CORO2B: variants seen among roughly 807,000 people sequenced by gnomAD.
CORO2B encodes the protein coronin-2B.
In CORO2B, 26 loss-of-function variants were observed where a neutral mutation model predicts 58.8. That is an observed-to-expected ratio of 0.44 (90% CI 0.32 to 0.61). The LOEUF (loss-of-function observed/expected upper bound fraction) is 0.61, where lower values mean the gene tolerates loss of function less well. Ranked by LOEUF, CORO2B falls within the 20% of genes least tolerant of loss-of-function variation. The pLI is 0.04. For synonymous variants in CORO2B, 242 were observed against 253.8 expected (o/e 0.95, Z 0.44); for missense variants, 460 against 645.1 (o/e 0.71, Z 3.11).
At chr15:68,656,379 G>T (rs569649967) in intron 2 of CORO2B, among the ~76,000 whole-genome samples, 1 of 152,076 alleles carries the variant, frequency 6.6e-6, no homozygotes, top group East Asian at 1.9e-4. Flanking sequence ...TAAGCAACCT[G>T]TGCCTGAGTT....
intron 2 of CORO2B, among the ~76,000 whole-genome samples, chr15:68,693,155 T>G (rs773752963): frequency 1.3e-5 from 2 of 152,212 alleles, no homozygotes; most frequent in Non-Finnish European, 2.9e-5. Context: ...TCTGCCTCAT[T>G]CTGCATCTTC....
At chr15:68,715,488 C>A (rs1211583525) in intron 8 of CORO2B, among the ~76,000 whole-genome samples, 177 bp downstream of exon 8, 1 of 152,244 alleles carries the variant, frequency 6.6e-6, no homozygotes, top group African/African-American at 2.4e-5. Flanking sequence ...CCCACTGGAC[C>A]GGCGCTGTCA....
At chr15:68,659,862 A>T (rs1901958147) in intron 2 of CORO2B, among the ~76,000 whole-genome samples, 1 of 152,150 alleles carries the variant, frequency 6.6e-6, no homozygotes. Context: ...CGAACCCGGG[A>T]GGTGGAGGTT....
chr15:68,600,702 T>C (rs942934063), intron 1 of CORO2B, among the ~76,000 whole-genome samples: 3 of 152,166 alleles, frequency 2.0e-5, no homozygotes, highest in African/African-American at 7.2e-5. Flanking sequence ...GGGAATGCCC[T>C]AAAACCAGGC....
At chr15:68,545,835 C>T in the CORO2B span, among the ~76,000 whole-genome samples, 3 of 152,182 alleles carry the variant, frequency 2.0e-5, no homozygotes, top group East Asian at 3.9e-4. Flanking sequence ...GGGGCATCCC[C>T]AGCCCTCAGC....
chr15:68,589,226 G>T (rs1899640877), intron 1 of CORO2B, among the ~76,000 whole-genome samples: 1 of 152,194 alleles, frequency 6.6e-6, no homozygotes, highest in Non-Finnish European at 1.5e-5. Flanking sequence ...GGCCTAATGT[G>T]CCTTGTTTGC....
intron 2 of CORO2B, among the ~76,000 whole-genome samples, chr15:68,664,646 C>CA (rs989598620): frequency 1.6e-4 from 24 of 148,316 alleles, no homozygotes; most frequent in South Asian, 6.4e-4. Flanking sequence ...GACTCTGTCT[C>CA]AAAAAAAAAC....
chr15:68,670,330 A>G (rs1247510914), intron 2 of CORO2B, among the ~76,000 whole-genome samples: 1 of 152,038 alleles, frequency 6.6e-6, no homozygotes, highest in African/African-American at 2.4e-5. Context: ...GTGCACCACT[A>G]AGCCTGGTTA....
chr15:68,623,548 G>A (rs1380741904), intron 1 of CORO2B, among the ~76,000 whole-genome samples: 1 of 151,308 alleles, frequency 6.6e-6, no homozygotes, highest in African/African-American at 2.4e-5. Context: ...CTCCCGCCCT[G>A]CATGTAAACA....
chr15:68,650,127 G>A (rs1414297521), intron 2 of CORO2B, among the ~76,000 whole-genome samples: 1 of 152,156 alleles, frequency 6.6e-6, no homozygotes, highest in Middle Eastern at 3.2e-3. Flanking sequence ...CCAGCACTTT[G>A]GGAGGCCGAG....
chr15:68,587,093 C>T (rs945924543), intron 1 of CORO2B, among the ~76,000 whole-genome samples: 6 of 144,428 alleles, frequency 4.2e-5, no homozygotes, highest in Non-Finnish European at 9.0e-5. Context: ...CACACACACA[C>T]ACAATTTTTT....
At chr15:68,580,659 C>T (rs1343353170) in intron 1 of CORO2B, among the ~76,000 whole-genome samples, 1 of 152,060 alleles carries the variant, frequency 6.6e-6, no homozygotes, top group Non-Finnish European at 1.5e-5. Context: ...GGGTAAGATG[C>T]TTAGGGTTTT....
chr15:68,689,498 T>C (rs1892303213), intron 2 of CORO2B, among the ~76,000 whole-genome samples: 1 of 152,232 alleles, frequency 6.6e-6, no homozygotes, highest in Non-Finnish European at 1.5e-5. Context: ...TGTAAATCAA[T>C]ATAAATGTGT....
intron 1 of CORO2B, among the ~76,000 whole-genome samples, chr15:68,609,877 G>A (rs1034428302): frequency 5.3e-5 from 8 of 152,136 alleles, no homozygotes; most frequent in African/African-American, 1.9e-4. Flanking sequence ...GGAGCACGAA[G>A]CGGTCTGGTT....
intron 8 of CORO2B, among the ~76,000 whole-genome samples, chr15:68,717,802 A>G (rs933032534): frequency 3.3e-5 from 5 of 152,240 alleles, no homozygotes; most frequent in Admixed American, 1.3e-4. Flanking sequence ...CTTCCAGCCC[A>G]GAGGAGGAGA....
chr15:68,675,037 G>A (rs1216801710), intron 2 of CORO2B, among the ~76,000 whole-genome samples: 1 of 152,198 alleles, frequency 6.6e-6, no homozygotes, highest in Non-Finnish European at 1.5e-5. Flanking sequence ...TAGGCAAGAA[G>A]AAAGAGGAAC....
At chr15:68,523,676 T>C in the CORO2B span, among the ~76,000 whole-genome samples, 1 of 152,218 alleles carries the variant, frequency 6.6e-6, no homozygotes, top group East Asian at 1.9e-4. Flanking sequence ...GCTCCTCAAG[T>C]CAGCTGCCTT....
At chr15:68,682,381 G>A (rs1008661572) in intron 2 of CORO2B, among the ~76,000 whole-genome samples, 3 of 152,194 alleles carry the variant, frequency 2.0e-5, no homozygotes, top group Non-Finnish European at 4.4e-5. Flanking sequence ...AGGAGCAGAT[G>A]TAAAGGCGTT....
intron 2 of CORO2B, among the ~76,000 whole-genome samples, chr15:68,685,231 G>A (rs1902924721): frequency 6.6e-6 from 1 of 152,164 alleles, no homozygotes; most frequent in African/African-American, 2.4e-5. Context: ...TTTGTTTCGG[G>A]AGACAGTCTT....
Sources: gnomAD v4.1 joint callset for allele counts (sites outside exome capture counted in the v4.1 genomes callset) on GRCh38, gnomAD v4.1.1 for gene constraint, MANE v1.5 for transcripts, NCBI Gene and HGNC (gene_info 2026-07-23, HGNC 2026-07-21) for gene names.